Variants in PFKL observed in about 807,000 individuals in gnomAD.
The protein encoded by PFKL is phosphofructokinase, liver type.
Under a neutral mutation model 92.1 loss-of-function variants are expected in PFKL, and 74 were observed. The ratio of observed to expected loss-of-function variants is 0.80; its 90% confidence interval spans 0.67 to 0.97. The LOEUF (loss-of-function observed/expected upper bound fraction) is 0.97, where lower values mean the gene tolerates loss of function less well. PFKL is among the 50% of genes least tolerant of loss of function. The pLI, the probability that PFKL is intolerant of heterozygous loss-of-function variation, is 0.00. For missense variants in PFKL, 1,028 were observed against 1,116.6 expected, an observed-to-expected ratio of 0.92 and a Z score of 1.13; for synonymous variants, 494 against 456.4, an observed-to-expected ratio of 1.08 and a Z score of -1.05.
intron 7 of PFKL, 150 bp from the exon 8 acceptor site, chr21:44,316,093 AG>A (rs2146478149): frequency 1.4e-6 from 1 of 694,466 alleles, no homozygotes; most frequent in Non-Finnish European, 2.5e-6. Context: ...CTCGCGCTCC[AG>A]GCCTGCTTTC....
intron 2 of PFKL, among the ~76,000 whole-genome samples, chr21:44,309,139 G>T (rs999863585): frequency 1.3e-5 from 2 of 152,196 alleles, no homozygotes; most frequent in African/African-American, 4.8e-5. Context: ...GGCTGCGTCA[G>T]TTCACATCAG....
Position 44,324,555 on chromosome 21 carries a change from TGG to T in PFKL, c.1720_1721del (p.Gly574LeufsTer58). ...CGCCGTGTGTTCATCGTGGAGACCA[TGG>T]GGGGTTACTGTGGCTACCTGGCCAC... On this transcript the variant is annotated frameshift_variant, in exon 17 of 22. Transcript: ENST00000349048. LOFTEE classifies it high-confidence loss of function. 2 of 1,613,248 alleles carry T rather than the reference TGG, an allele frequency of 1.2e-6. No homozygotes were observed. The highest frequency in any genetic ancestry group is 2.2e-5 in the South Asian group (2 of 91,052).
At chr21:44,321,691 C>T (rs199973537) in intron 12 of PFKL, 38 bp from the exon 13 acceptor site, 290 of 1,502,726 alleles carry the variant, frequency 1.9e-4, no homozygotes, top group Non-Finnish European at 2.4e-4. Context: ...GTCCCCTCCC[C>T]GGCTGTGCCT....
intron 1 of PFKL, among the ~76,000 whole-genome samples, chr21:44,300,566 G>C (rs1039466815): frequency 1.3e-5 from 2 of 152,180 alleles, no homozygotes; most frequent in Non-Finnish European, 2.9e-5. Flanking sequence ...GCGACCCGGG[G>C]ACCCGGTGCC....
Position 44,322,309 on chromosome 21 carries a change from G to A in PFKL, c.1409+106G>A, listed in dbSNP as rs1395363757. 3.0e-5 allele frequency: 32 copies of A among 1,057,168 alleles called. 1 individual carries two copies. The highest frequency in any genetic ancestry group is 3.2e-4 in the Middle Eastern group (1 of 3,162). 65.5% of individuals were successfully genotyped at this position (1,057,168 alleles called of 1,614,324 possible). A position where few individuals can be genotyped will look rare whatever the true frequency, so the allele number is the denominator to read the frequency against. ...GAACCCAGCCCGGGGCCCTGGGCTC[G>A]GCCCCTCTTCCTGCTGGTGGTCTGC... is the stretch of plus-strand genomic sequence containing the variant. On this transcript the variant is annotated intron_variant, in intron 14 of 21. Coordinates refer to ENST00000349048, the MANE Select transcript of PFKL (RefSeq NM_002626.6).
rs760890571 is a variant in PFKL, at chr21:44,323,064, C to T, written c.1497+15C>T. 31 of 1,063,156 alleles carry T rather than the reference C, an allele frequency of 2.9e-5. No homozygotes were observed. Among genetic ancestry groups the T allele is most frequent in the Middle Eastern group, 5.1e-4 (2 of 3,956 alleles). 65.9% of individuals were successfully genotyped at this position (1,063,156 alleles called of 1,614,324 possible). On this transcript the variant is annotated intron_variant, in intron 15 of 21. Coordinates refer to ENST00000349048, the MANE Select transcript of PFKL (RefSeq NM_002626.6). Reference sequence around the variant, plus strand: ...GTGGGTTTGAGGTGAGAGCTGCCCACGGACGAAAAAGCCCCAGGGCACAGG... The same window carrying T: ...GTGGGTTTGAGGTGAGAGCTGCCCATGGACGAAAAAGCCCCAGGGCACAGG...
In PFKL at chr21:44,326,834, G is replaced by A. The variant is rs369329849; in HGVS notation, c.2315G>A (p.Arg772His). 1.4e-5 allele frequency: 23 copies of A among 1,609,590 alleles called. No homozygotes were observed. Among genetic ancestry groups the A allele is most frequent in the South Asian group, 1.0e-4 (9 of 90,284 alleles). Residue 772 changes from arginine (R) to histidine (H), a missense_variant, in exon 22 of 22, where the codon CGC becomes CAC. Transcript: ENST00000349048. ...GGGGAGCTGGAGCACGTGACCCGCCGCACCCTGAGCATGGACAAGGGCTTC... is the reference window on the plus strand; with the variant it reads ...GGGGAGCTGGAGCACGTGACCCGCCACACCCTGAGCATGGACAAGGGCTTC... The part of the protein sequence containing the change: ...VSGELEHVTR[R>H]TLSMDKGF
intron 1 of PFKL, chr21:44,305,230 G>A (rs538901050): frequency 1.6e-6 from 2 of 1,287,600 alleles, no homozygotes; most frequent in South Asian, 2.5e-5. Flanking sequence ...CGTGAGAACA[G>A]TGTGCCGATC....
rs563243711 is a variant in PFKL at position 44,313,837 on chromosome 21, C to T, written c.639-76C>T. 1.7e-4 allele frequency: 222 copies of T among 1,342,104 alleles called. 5 individuals are homozygous for T. In the Middle Eastern group the frequency reaches 3.0e-3, roughly 18 times the overall value. The allele number at this position is 1,342,104 out of a possible 1,614,324, so 83.1% of individuals were successfully genotyped here. A position where few individuals can be genotyped will look rare whatever the true frequency, so the allele number is the denominator to read the frequency against. ...AGACAGAGAAGCTGTGGCCCAGAGT[C>T]GGACCTCTGGGTACAGGGAAGCTCC... On this transcript the variant is annotated intron_variant, in intron 6 of 21. Transcript: ENST00000349048.
chr21:44,309,314 C>A (rs1003274062), intron 2 of PFKL, among the ~76,000 whole-genome samples: 1 of 152,016 alleles, frequency 6.6e-6, no homozygotes, highest in Non-Finnish European at 1.5e-5. Flanking sequence ...CTACTCTTAT[C>A]CCCCCAGGCA....
chr21:44,310,937 C>A, intron 2 of PFKL, 69 bp from the exon 3 acceptor site: 2 of 1,133,582 alleles, frequency 1.8e-6, no homozygotes, highest in Non-Finnish European at 2.7e-6. Flanking sequence ...GAAAATCCTG[C>A]TCCCAGACCA....
chr21:44,313,240 A>G (rs1030000466), intron 5 of PFKL, 97 bp downstream of exon 5: 1 of 1,359,322 alleles, frequency 7.4e-7, no homozygotes, highest in African/African-American at 1.4e-5. Context: ...AGGGCAGTGG[A>G]CTCTGGTAGC....
rs773676384 is a variant in PFKL at position 44,326,888 on chromosome 21, C to T, written c.*26C>T. The T allele has an allele frequency of 1.6e-5, 25 of 1,582,762 alleles. No homozygotes were observed. Among genetic ancestry groups the T allele is most frequent in the Non-Finnish European group, 2.2e-5 (25 of 1,162,326 alleles). On this transcript the variant is annotated 3_prime_UTR_variant, in exon 22 of 22. Coordinates refer to ENST00000349048, the MANE Select transcript of PFKL (RefSeq NM_002626.6). ...GGCCAGCCATGCCCACGCCCCTCCC[C>T]AGCCCCCACCCATGCCAGCGCAGCG...
chr21:44,300,199 G>A lies in PFKL; in HGVS notation c.85+9G>A. 2 of 1,096,504 alleles carry A rather than the reference G, an allele frequency of 1.8e-6. No individual in the cohort carries two copies. Among genetic ancestry groups the A allele is most frequent in the Non-Finnish European group, 2.2e-6 (2 of 901,352 alleles). The allele number at this position is 1,096,504 out of a possible 1,614,324, so 67.9% of individuals were successfully genotyped here. A position where few individuals can be genotyped will look rare whatever the true frequency, so the allele number is the denominator to read the frequency against. ...CGGCGGCGACGCGCAAGGTGGGCGG[G>A]GGTCCCGGCCGCGTCGCGGCGCAGG... is the stretch of plus-strand genomic sequence containing the variant. On this transcript the variant is annotated intron_variant, in intron 1 of 21. Coordinates refer to ENST00000349048, the MANE Select transcript of PFKL (RefSeq NM_002626.6).
intron 1 of PFKL, 72 bp from the exon 2 acceptor site, chr21:44,306,609 T>G (rs1295830695): frequency 2.2e-6 from 3 of 1,346,824 alleles, no homozygotes; most frequent in Non-Finnish European, 2.1e-6. Context: ...CCCCCTGTCC[T>G]CTGAGATGGG....
chr21:44,308,559 ATTTT>A (rs532812261), intron 2 of PFKL, among the ~76,000 whole-genome samples: 1 of 133,618 alleles, frequency 7.5e-6, no homozygotes. Flanking sequence ...GGGGGTAGGA[ATTTT>A]TTTTTTTTTT....
chr21:44,300,621 C>T (rs2040744515), intron 1 of PFKL, among the ~76,000 whole-genome samples: 1 of 152,168 alleles, frequency 6.6e-6, no homozygotes, highest in African/African-American at 2.4e-5. Context: ...GACCTCCTCC[C>T]GGCTGGGCGG....
chr21:44,314,036 G>C lies in PFKL; in HGVS notation c.747+15G>C, dbSNP rs201890712. 30 of 1,567,540 alleles carry C rather than the reference G, an allele frequency of 1.9e-5. No homozygotes were observed. The Admixed American group carries it at 3.8e-4, about 20-fold the overall frequency. ...GGCTGGGTGAGGTGGGTGCCGTCCA[G>C]CCTGCTGGGGGCCGCAGGTGTCCTG... On this transcript the variant is annotated intron_variant, in intron 7 of 21. Coordinates refer to ENST00000349048, the MANE Select transcript of PFKL (RefSeq NM_002626.6).
chr21:44,323,777 G>A lies in PFKL; in HGVS notation c.1509G>A (p.Gly503=). 6.2e-7 allele frequency: 1 copy of A among 1,612,422 alleles called. No homozygotes were observed. Among genetic ancestry groups the A allele is most frequent in the East Asian group, 2.2e-5 (1 of 44,840 alleles). The change falls in exon 16 of 22, where the codon GGG becomes GGA. Residue 503 remains glycine, a synonymous_variant. Transcript: ENST00000349048. ...CCCTACTGCTGCAGGCCTATGAAGGGGTGCTGCAGCTGGTGGAGGCTCGCG... is the reference window on the plus strand; with the variant it reads ...CCCTACTGCTGCAGGCCTATGAAGGAGTGCTGCAGCTGGTGGAGGCTCGCG... ...LVVGGFEAYE[G]VLQLVEARGR...
Sources: gnomAD v4.1 joint callset for allele counts (sites outside exome capture counted in the v4.1 genomes callset) on GRCh38, gnomAD v4.1.1 for gene constraint, MANE v1.5 for transcripts, NCBI Gene and HGNC (gene_info 2026-07-23, HGNC 2026-07-21) for gene names.